Variants in PRKCA observed in about 807,000 individuals in gnomAD.
PRKCA encodes the protein protein kinase C alpha type.
In PRKCA, 27 loss-of-function variants were observed where a neutral mutation model predicts 87.0. That is an observed-to-expected ratio of 0.31 (90% CI 0.23 to 0.43). The LOEUF (loss-of-function observed/expected upper bound fraction) is 0.43. PRKCA is among the 20% of genes least tolerant of loss of function. The pLI is 1.00. For synonymous variants in PRKCA, 329 were observed against 311.1 expected (o/e 1.06, Z -0.61); for missense variants, 518 against 852.3 (o/e 0.61, Z 4.88).
At chr17:66,718,789 C>T (rs1973539198) in intron 8 of PRKCA, among the ~76,000 whole-genome samples, 1 of 152,216 alleles carries the variant, frequency 6.6e-6, no homozygotes, top group South Asian at 2.1e-4. Context: ...CTTCCAAGAC[C>T]ACTTTCTGTG....
At chr17:66,768,247 T>TC in intron 13 of PRKCA, among the ~76,000 whole-genome samples, 1 of 120,520 alleles carries the variant, frequency 8.3e-6, no homozygotes, top group East Asian at 3.6e-4. Flanking sequence ...CCCAGCCATT[T>TC]TTTTTTTTTT....
rs376890967 is a variant in PRKCA, at chr17:66,371,717, T to C, written c.205+65590T>C. 1.6e-4 allele frequency among the ~76,000 whole-genome samples: 24 copies of C among 152,314 alleles called. 1 individual carries two copies. The East Asian group carries it at 2.9e-3, about 18-fold the overall frequency. ...GACTGTTTTATCTGTAATATATATG[T>C]TGCTTTTTAAAGGCCACTAGGTGAT... On this transcript the variant is annotated intron_variant, in intron 2 of 16. Transcript: ENST00000413366.
At chr17:66,619,620 G>T (rs911753348) in intron 3 of PRKCA, among the ~76,000 whole-genome samples, 2 of 152,138 alleles carry the variant, frequency 1.3e-5, no homozygotes, top group Non-Finnish European at 2.9e-5. Flanking sequence ...AACTAAAAGC[G>T]TTTGAGGGAT....
chr17:66,701,032 T>C (rs544005890), intron 8 of PRKCA, among the ~76,000 whole-genome samples: 28 of 152,280 alleles, frequency 1.8e-4, no homozygotes, highest in African/African-American at 6.3e-4. Context: ...TATCACACTT[T>C]CTGATCCAAA....
chr17:66,645,550 C>G (rs765859176), intron 5 of PRKCA, 39 bp downstream of exon 5: 2 of 1,612,328 alleles, frequency 1.2e-6, no homozygotes, highest in South Asian at 2.2e-5. Context: ...CGTGGGCAGG[C>G]ATTTGGATGA....
At chr17:66,748,199 G>T (rs1481005911) in intron 13 of PRKCA, among the ~76,000 whole-genome samples, 1 of 152,228 alleles carries the variant, frequency 6.6e-6, no homozygotes, top group African/African-American at 2.4e-5. Flanking sequence ...GAGAGCTGAA[G>T]AGCCATTCTG....
At chr17:66,587,598 T>C (rs1310299541) in intron 3 of PRKCA, among the ~76,000 whole-genome samples, 8 of 151,518 alleles carry the variant, frequency 5.3e-5, no homozygotes, top group Admixed American at 5.3e-4. Context: ...GACAGATAGA[T>C]AGATAGATTG....
chr17:66,519,134 T>C (rs1487167722), intron 3 of PRKCA, among the ~76,000 whole-genome samples: 2 of 152,082 alleles, frequency 1.3e-5, no homozygotes, highest in Non-Finnish European at 2.9e-5. Context: ...ATGTCCTGGT[T>C]TGGGGCCGTC....
intron 3 of PRKCA, among the ~76,000 whole-genome samples, chr17:66,588,200 G>A (rs1969681097): frequency 6.6e-6 from 1 of 152,010 alleles, no homozygotes; most frequent in African/African-American, 2.4e-5. Flanking sequence ...GCCTCTCTGT[G>A]ATTGCTGGGA....
chr17:66,717,744 CTA>C (rs1973512917), intron 8 of PRKCA, among the ~76,000 whole-genome samples: 2 of 152,338 alleles, frequency 1.3e-5, no homozygotes, highest in South Asian at 4.1e-4. Flanking sequence ...AGTTAGCTCT[CTA>C]GACCTCAGCA....
At chr17:66,591,647 A>G (rs1018916915) in intron 3 of PRKCA, among the ~76,000 whole-genome samples, 1 of 152,164 alleles carries the variant, frequency 6.6e-6, no homozygotes, top group African/African-American at 2.4e-5. Flanking sequence ...ATTATAGGCC[A>G]TGAGGATTTG....
chr17:66,416,297 G>A (rs1912141014), intron 2 of PRKCA: 1 of 152,370 alleles, frequency 6.6e-6, no homozygotes, highest in Admixed American at 6.5e-5. Flanking sequence ...GGAAAAGATG[G>A]GTGTGGGCCA....
chr17:66,796,870 C>T (rs1373480496), intron 16 of PRKCA: 1 of 985,242 alleles, frequency 1.0e-6, no homozygotes, highest in African/African-American at 1.7e-5. Context: ...GAAGTACCTC[C>T]TGCATTTGGT....
In PRKCA at chr17:66,532,856, G is replaced by T. The variant is rs79953840; in HGVS notation, c.288+36573G>T. On this transcript the variant is annotated intron_variant, in intron 3 of 16. Coordinates refer to ENST00000413366, the MANE Select transcript of PRKCA (RefSeq NM_002737.3). ...AGGTACACAAGGCCTTTCTTCAGGG[G>T]TTTATTCCCAGCAGCTGATCTGCTG... is the stretch of plus-strand genomic sequence containing the variant. Among the ~76,000 whole-genome samples, 1,558 of 152,276 alleles carry T rather than the reference G, an allele frequency of 0.01. 114 individuals are homozygous for T. The East Asian group carries it at 0.2, about 20-fold the overall frequency.
chr17:66,312,785 G>A (rs938304752), intron 2 of PRKCA, among the ~76,000 whole-genome samples: 1 of 136,824 alleles, frequency 7.3e-6, no homozygotes, highest in Non-Finnish European at 1.5e-5. Flanking sequence ...CACCCAGGCT[G>A]GAGTGTGCAG....
chr17:66,463,329 C>T (rs1035785012), intron 2 of PRKCA, among the ~76,000 whole-genome samples: 5 of 151,872 alleles, frequency 3.3e-5, no homozygotes, highest in African/African-American at 9.7e-5. Context: ...AGCAAACTTG[C>T]AGCTACCCAG....
intron 2 of PRKCA, among the ~76,000 whole-genome samples, chr17:66,375,128 A>C (rs896902371): frequency 6.6e-6 from 1 of 152,006 alleles, no homozygotes; most frequent in African/African-American, 2.4e-5. Flanking sequence ...TTATAGTTTT[A>C]CCTGTATATT....
At chr17:66,484,843 A>AT (rs967904911) in intron 2 of PRKCA, among the ~76,000 whole-genome samples, 5 of 152,140 alleles carry the variant, frequency 3.3e-5, no homozygotes, top group South Asian at 2.1e-4. Flanking sequence ...CACTTGTATA[A>AT]TTTTTTTTAA....
chr17:66,705,785 A>C (rs1026581917), intron 8 of PRKCA, among the ~76,000 whole-genome samples: 3 of 152,192 alleles, frequency 2.0e-5, no homozygotes, highest in Non-Finnish European at 4.4e-5. Flanking sequence ...TGAACATGGC[A>C]GCTAAACATT....
Sources: allele counts gnomAD v4.1 joint callset (sites outside exome capture counted in the v4.1 genomes callset), GRCh38; gene constraint gnomAD v4.1.1; transcripts MANE v1.5; gene names NCBI Gene and HGNC (gene_info 2026-07-23, HGNC 2026-07-21).